Variants in CDH18 observed in about 807,000 individuals in gnomAD.
CDH18 encodes the protein cadherin-18.
CDH18 carries 31 observed loss-of-function variants against 67.9 expected under a neutral mutation model. That is an observed-to-expected ratio of 0.46 (90% confidence interval 0.34 to 0.62). CDH18 has a LOEUF of 0.62. Ranked by LOEUF, CDH18 falls within the 20% of genes least tolerant of loss-of-function variation. The probability of loss-of-function intolerance (pLI) is 0.01; values close to 1 mark genes in which losing one functional copy is unlikely to be tolerated. For missense variants in CDH18, 890 were observed against 975.5 expected (o/e 0.91, Z 1.17); for synonymous variants, 362 against 347.2 (o/e 1.04, Z -0.48).
intron 1 of CDH18, among the ~76,000 whole-genome samples, chr5:20,457,417 A>C (rs1373173968): frequency 1.3e-5 from 2 of 152,128 alleles, no homozygotes; most frequent in Non-Finnish European, 2.9e-5. Context: ...TTCTCCAAAA[A>C]CTTGTAAGTG....
intron 8 of CDH18, among the ~76,000 whole-genome samples, chr5:19,568,192 C>T (rs1740761129): frequency 6.6e-6 from 1 of 152,020 alleles, no homozygotes. Flanking sequence ...GACTTCCACC[C>T]CTAGATGCCA....
chr5:19,689,962 GTTATAC>G (rs1416967279), intron 5 of CDH18, among the ~76,000 whole-genome samples: 1 of 151,452 alleles, frequency 6.6e-6, no homozygotes, highest in Non-Finnish European at 1.5e-5. Flanking sequence ...ATCAGAAGTA[GTTATAC>G]TTAGATAAAA....
rs12657839 is a variant in CDH18, at chr5:19,764,084, G to A, written c.229-16848C>T. Among the ~76,000 whole-genome samples, 8 of 147,876 alleles carry A rather than the reference G, an allele frequency of 5.4e-5. No individual in the cohort carries two copies. In the South Asian group the frequency reaches 6.5e-4, roughly 12 times the overall value. ...TTGGGAGGCTGAGACAGGAGAAATC[G>A]CTTGAACCCAGGAGGTGGAGCTTGC... On this transcript the variant is annotated intron_variant, in intron 3 of 12. Transcript: ENST00000382275.
chr5:20,460,948 T>G (rs1751223599), intron 1 of CDH18, among the ~76,000 whole-genome samples: 1 of 152,172 alleles, frequency 6.6e-6, no homozygotes, highest in Non-Finnish European at 1.5e-5. Flanking sequence ...AAATGTATCC[T>G]CAGGAGCTAG....
intron 1 of CDH18, among the ~76,000 whole-genome samples, chr5:20,402,215 A>T (rs1237620958): frequency 6.6e-6 from 1 of 152,174 alleles, no homozygotes; most frequent in Non-Finnish European, 1.5e-5. Flanking sequence ...TTTTAAACAA[A>T]TTATTCTAGC....
intron 1 of CDH18, among the ~76,000 whole-genome samples, chr5:20,286,589 G>A (rs531538709): frequency 2.8e-4 from 43 of 151,712 alleles, no homozygotes; most frequent in African/African-American, 1.0e-3. Context: ...ATTCCAGGTT[G>A]AAAAAATACT....
intron 3 of CDH18, among the ~76,000 whole-genome samples, chr5:19,767,898 T>C (rs548262877): frequency 6.6e-6 from 1 of 152,192 alleles, no homozygotes; most frequent in Non-Finnish European, 1.5e-5. Context: ...GAAATGTATA[T>C]AAGAAAGAAA....
In CDH18 at chr5:20,488,890, C is replaced by T. The variant is rs946636135; in HGVS notation, c.-580+86572G>A. Among the ~76,000 whole-genome samples the T allele has an allele frequency of 1.6e-4, 24 of 151,852 alleles. 1 individual carries two copies. The highest frequency in any genetic ancestry group is 4.2e-4 in the South Asian group (2 of 4,818). ...CCAAAATAATGCAACAAAGAACCTG[C>T]GGTTTTAATTTTCATATATTAATTG... On this transcript the variant is annotated intron_variant, in intron 1 of 14. Transcript: ENST00000507958.
intron 1 of CDH18, among the ~76,000 whole-genome samples, chr5:20,266,222 A>T (rs1745020876): frequency 6.6e-6 from 1 of 151,402 alleles, no homozygotes; most frequent in Admixed American, 6.6e-5. Flanking sequence ...ATAAATCTCT[A>T]TCTACCTAGC....
At chr5:20,009,892 G>A (rs1335608381) in intron 2 of CDH18, among the ~76,000 whole-genome samples, 1 of 151,986 alleles carries the variant, frequency 6.6e-6, no homozygotes, top group Non-Finnish European at 1.5e-5. Flanking sequence ...AAAATATAAT[G>A]AATGTGCTAT....
intron 2 of CDH18, among the ~76,000 whole-genome samples, chr5:20,186,394 G>A (rs550684181): frequency 1.3e-5 from 2 of 152,008 alleles, no homozygotes; most frequent in African/African-American, 4.8e-5. Context: ...TCTGGCAAGG[G>A]AGTAGTATCC....
chr5:19,919,190 C>T lies in CDH18; in HGVS notation c.-257+61870G>A, dbSNP rs538042444. ...CACCCCCACTACACAGACTCACAAG[C>T]GTCTGTGCACAGAACCCAGCCAGGC... On this transcript the variant is annotated intron_variant, in intron 2 of 12. Coordinates refer to ENST00000382275, the MANE Select transcript of CDH18 (RefSeq NM_004934.5). 1.5e-3 allele frequency among the ~76,000 whole-genome samples: 227 copies of T among 152,210 alleles called. 1 individual carries two copies. The highest frequency in any genetic ancestry group is 5.2e-3 in the African/African-American group (218 of 41,524).
chr5:20,413,297 C>T (rs1349724234), intron 1 of CDH18, among the ~76,000 whole-genome samples: 1 of 152,158 alleles, frequency 6.6e-6, no homozygotes, highest in African/African-American at 2.4e-5. Flanking sequence ...TTTATAGTAG[C>T]ATGATTTGTA....
chr5:20,123,512 C>A (rs1748547664), intron 2 of CDH18, among the ~76,000 whole-genome samples: 2 of 152,228 alleles, frequency 1.3e-5, no homozygotes, highest in Admixed American at 1.3e-4. Context: ...ACATTCCTCT[C>A]CTTTAAGCTC....
intron 5 of CDH18, among the ~76,000 whole-genome samples, chr5:19,700,045 T>C (rs900718272): frequency 6.6e-6 from 1 of 152,214 alleles, no homozygotes; most frequent in African/African-American, 2.4e-5. Flanking sequence ...AATTTTTTTC[T>C]AGAAATACTT....
At chr5:20,248,692 T>C (rs907639272) in intron 2 of CDH18, among the ~76,000 whole-genome samples, 2 of 152,210 alleles carry the variant, frequency 1.3e-5, no homozygotes, top group African/African-American at 2.4e-5. Context: ...TCCATGCTGA[T>C]TGTTGGATGG....
rs62353882 is a variant in CDH18 at position 20,133,945 on chromosome 5, T to A, written c.-518+121499A>T. On this transcript the variant is annotated intron_variant, in intron 2 of 14. Transcript: ENST00000507958. ...TCTGCTCATCACATTATATATGTCT[T>A]ACAACTTTTGATAATGCCCCACATT... is the stretch of plus-strand genomic sequence containing the variant. Among the ~76,000 whole-genome samples, 1,003 of 152,260 alleles carry A rather than the reference T, an allele frequency of 6.6e-3. 4 individuals carry two copies. The highest frequency in any genetic ancestry group is 0.013 in the South Asian group (64 of 4,826).
intron 2 of CDH18, among the ~76,000 whole-genome samples, chr5:20,090,935 G>T (rs1745364301): frequency 6.6e-6 from 1 of 151,606 alleles, no homozygotes; most frequent in Admixed American, 6.6e-5. Flanking sequence ...TGTAGTCCCA[G>T]CTATTCAGGG....
intron 1 of CDH18, among the ~76,000 whole-genome samples, chr5:20,431,504 A>AAAAAAAAAAAAAAGAAG (rs536468948): frequency 3.0e-4 from 41 of 138,790 alleles, no homozygotes; most frequent in Non-Finnish European, 4.6e-4. Flanking sequence ...AAAAAAAAAA[A>AAAAAAAAAAAAAAGAAG]AAGAAGAAGA....
Sources: gnomAD v4.1 joint callset for allele counts (sites outside exome capture counted in the v4.1 genomes callset) on GRCh38, gnomAD v4.1.1 for gene constraint, MANE v1.5 for transcripts, NCBI Gene and HGNC (gene_info 2026-07-23, HGNC 2026-07-21) for gene names.